DCLK3: variants seen among roughly 807,000 people sequenced by gnomAD.
The protein encoded by DCLK3 is serine/threonine-protein kinase DCLK3.
Under a neutral mutation model 46.4 loss-of-function variants are expected in DCLK3, and 30 were observed. The ratio of observed to expected loss-of-function variants is 0.65; its 90% CI spans 0.48 to 0.88. DCLK3 has a LOEUF of 0.88. Ranked by LOEUF, DCLK3 falls within the 40% of genes least tolerant of loss-of-function variation. DCLK3 has a pLI of 0.00. For missense variants in DCLK3, 846 were observed against 907.1 expected (o/e 0.93, Z 0.87); for synonymous variants, 401 against 339.2 (o/e 1.18, Z -2.00).
rs1016985890 is a variant in DCLK3 at position 36,712,431 on chromosome 3, A to G, written c.*2897T>C. On this transcript the variant is annotated 3_prime_UTR_variant, in exon 5 of 5. Transcript: ENST00000636136. ...TTGAGGACCTGCAACTATATTTTTA[A>G]CAACTTTATTGAGGTATAATTGACA... 2 of 152,228 alleles carry G rather than the reference A, an allele frequency of 1.3e-5. No homozygotes were observed. Among genetic ancestry groups the G allele is most frequent in the Admixed American group, 6.5e-5 (1 of 15,290 alleles). 9.4% of individuals were successfully genotyped at this position (152,228 alleles called of 1,614,324 possible).
At chr3:36,729,261 T>C (rs879776655) in intron 2 of DCLK3, among the ~76,000 whole-genome samples, 1 of 89,928 alleles carries the variant, frequency 1.1e-5, no homozygotes, top group East Asian at 4.1e-4. Context: ...GGGGGGGGGG[T>C]ACAAAAGCCC....
At chr3:36,717,920 T>G in intron 4 of DCLK3, 90 bp downstream of exon 4, 1 of 1,535,796 alleles carries the variant, frequency 6.5e-7, no homozygotes. Flanking sequence ...ACAGTCCAAC[T>G]CTGCACCAGG....
rs932286366 is a variant in DCLK3, at chr3:36,715,669, T to C, written c.2261-148A>G. ...CATATTCTAGAGCAGCACAGTCCAATAGAAGACAGGAACATTCTCTATCTG... is the reference window on the plus strand; with the variant it reads ...CATATTCTAGAGCAGCACAGTCCAACAGAAGACAGGAACATTCTCTATCTG... On this transcript the variant is annotated intron_variant, in intron 4 of 4. Transcript: ENST00000636136. 6 of 720,842 alleles carry C rather than the reference T, an allele frequency of 8.3e-6. No individual in the cohort carries two copies. In the African/African-American group the frequency reaches 1.1e-4, roughly 13 times the overall value. The allele number at this position is 720,842 out of a possible 1,614,324, so 44.7% of individuals were successfully genotyped here. A position where few individuals can be genotyped will look rare whatever the true frequency, so the allele number is the denominator to read the frequency against.
chr3:36,720,212 T>C (rs4678899), intron 3 of DCLK3, among the ~76,000 whole-genome samples: 48,895 of 152,072 alleles, frequency 0.32, 9,032 homozygotes, highest in Non-Finnish European at 0.43. Context: ...TCTCTCTTGC[T>C]CCCAGTCCCA....
chr3:36,757,171 G>C (rs1427740693), intron 1 of DCLK3, among the ~76,000 whole-genome samples: 2 of 152,026 alleles, frequency 1.3e-5, no homozygotes, highest in African/African-American at 4.8e-5. Context: ...GAAACCACAG[G>C]GGTTTATTTT....
intron 2 of DCLK3, among the ~76,000 whole-genome samples, chr3:36,731,820 C>A (rs74567016): frequency 0.13 from 19,531 of 152,116 alleles, 1,642 homozygotes; most frequent in Non-Finnish European, 0.19. Context: ...CCTCCCCTCA[C>A]ATAAACCCTA....
chr3:36,747,438 G>GTA (rs375074096), intron 1 of DCLK3, among the ~76,000 whole-genome samples: 28 of 151,032 alleles, frequency 1.9e-4, no homozygotes, highest in Middle Eastern at 3.4e-3. Flanking sequence ...GGGAAAAAAG[G>GTA]TATATATATA....
chr3:36,717,959 C>T lies in DCLK3; in HGVS notation c.2260+51G>A, dbSNP rs114769020. On this transcript the variant is annotated intron_variant, in intron 4 of 4. Coordinates refer to ENST00000636136, the MANE Select transcript of DCLK3 (RefSeq NM_001394672.2). ...AGTGGTGGGTCCTCTACACATCTGACCTGAAAAACCCATCCGCTCCTCTGC... is the reference window on the plus strand; with the variant it reads ...AGTGGTGGGTCCTCTACACATCTGATCTGAAAAACCCATCCGCTCCTCTGC... 5,520 of 1,609,374 alleles carry T rather than the reference C, an allele frequency of 3.4e-3. 168 individuals carry two copies. In the African/African-American group the frequency reaches 0.064, roughly 19 times the overall value.
At chr3:36,734,365 G>A (rs533261872) in intron 2 of DCLK3, among the ~76,000 whole-genome samples, 2 of 152,224 alleles carry the variant, frequency 1.3e-5, no homozygotes, top group South Asian at 4.2e-4. Flanking sequence ...TTTTATAAAT[G>A]TGCCAGACCT....
intron 2 of DCLK3, among the ~76,000 whole-genome samples, chr3:36,727,964 A>G (rs559765092): frequency 6.6e-6 from 1 of 152,344 alleles, no homozygotes; most frequent in Non-Finnish European, 1.5e-5. Context: ...TCTTCCCAGA[A>G]TCTGTGGGAC....
intron 2 of DCLK3, among the ~76,000 whole-genome samples, chr3:36,736,707 C>T (rs571814330): frequency 6.6e-5 from 10 of 152,232 alleles, no homozygotes; most frequent in Non-Finnish European, 8.8e-5. Flanking sequence ...GGATTCAAAC[C>T]CAAGTTATCT....
rs1701298071 is a variant in DCLK3, at chr3:36,738,342, G to C, written c.825C>G (p.Ser275Arg). The change falls in exon 2 of 5, where the codon AGC becomes AGG. Residue 275 changes from serine (S) to arginine (R), a missense_variant. Around this residue, in one of 3 missense-constraint regions of DCLK3, gnomAD observed 553 missense variants for 543.0 expected, o/e 1.02. Coordinates refer to ENST00000636136, the MANE Select transcript of DCLK3 (RefSeq NM_001394672.2). ...CCAGAGTGGCTTCCCTGGGGGGCTT[G>C]CTACTGGGTTCTGGCTCCCATTTCC... ...GRGKWEPEPS[S>R]KPPREATLEE... The C allele has an allele frequency of 6.6e-7, 1 of 1,505,256 alleles. No homozygotes were observed. Among genetic ancestry groups the C allele is most frequent in the Non-Finnish European group, 8.8e-7 (1 of 1,130,144 alleles). The allele number at this position is 1,505,256 out of a possible 1,614,324, so 93.2% of individuals were successfully genotyped here. A position where few individuals can be genotyped will look rare whatever the true frequency, so the allele number is the denominator to read the frequency against.
At chr3:36,761,979 CCTCTTTGGGGGA>C (rs1230765413) in intron 1 of DCLK3, among the ~76,000 whole-genome samples, 1 of 152,092 alleles carries the variant, frequency 6.6e-6, no homozygotes, top group Non-Finnish European at 1.5e-5. Context: ...GGGGAAAATC[CCTCTTTGGGGGA>C]TTTTTTCTTG....
chr3:36,762,710 AC>A (rs1459484745), intron 1 of DCLK3, among the ~76,000 whole-genome samples: 2 of 152,148 alleles, frequency 1.3e-5, no homozygotes, highest in African/African-American at 4.8e-5. Context: ...AGATGGAGGG[AC>A]TGGCAATTGG....
chr3:36,735,331 G>C (rs2125528964), intron 2 of DCLK3, among the ~76,000 whole-genome samples: 1 of 152,316 alleles, frequency 6.6e-6, no homozygotes, highest in African/African-American at 2.4e-5. Flanking sequence ...AAGACATCCA[G>C]CTAATGCAAA....
At chr3:36,729,746 T>C (rs1425131356) in intron 2 of DCLK3, 1 of 152,214 alleles carries the variant, frequency 6.6e-6, no homozygotes, top group Non-Finnish European at 1.5e-5. Context: ...TCTTACTTGA[T>C]CCTTCATGGT....
intron 1 of DCLK3, among the ~76,000 whole-genome samples, chr3:36,753,502 C>G (rs537874819): frequency 1.3e-5 from 2 of 152,140 alleles, no homozygotes; most frequent in East Asian, 3.9e-4. Flanking sequence ...ACTTTGTACT[C>G]ACGATGAAAA....
chr3:36,719,988 T>C (rs766039496), intron 3 of DCLK3, among the ~76,000 whole-genome samples: 1 of 152,238 alleles, frequency 6.6e-6, no homozygotes, highest in Non-Finnish European at 1.5e-5. Context: ...AAGCTCAACC[T>C]ACCCAACTGA....
rs150831198 is a variant in DCLK3 at position 36,731,881 on chromosome 3, A to T, written c.1959+5327T>A. 3.1e-3 allele frequency among the ~76,000 whole-genome samples: 467 copies of T among 152,280 alleles called. 2 individuals carry two copies. The Middle Eastern group carries it at 0.037, about 12-fold the overall frequency. On this transcript the variant is annotated intron_variant, in intron 2 of 4. Transcript: ENST00000636136. ...CCAGAACCTGAGGGTTTCTGTTGCA[A>T]TTAGACAACTAGACCTGAGACCTCA...
Sources: allele counts gnomAD v4.1 joint callset (sites outside exome capture counted in the v4.1 genomes callset), GRCh38; gene constraint gnomAD v4.1.1; regional missense constraint gnomAD v4.1.1; transcripts MANE v1.5; gene names NCBI Gene and HGNC (gene_info 2026-07-23, HGNC 2026-07-21).